Variants in RIMS1 observed in about 807,000 individuals in gnomAD.
The protein encoded by RIMS1 is regulating synaptic membrane exocytosis 1.
A neutral mutation model predicts 214.1 loss-of-function variants in RIMS1; 83 were observed. That is an observed-to-expected ratio of 0.39 (90% confidence interval 0.32 to 0.47). The LOEUF (loss-of-function observed/expected upper bound fraction) is 0.47. Ranked by LOEUF, RIMS1 falls within the 20% of genes least tolerant of loss-of-function variation. The pLI is 0.99. For synonymous variants in RIMS1, 793 were observed against 786.8 expected, an observed-to-expected ratio of 1.01 and a Z score of -0.13; for missense variants, 2,050 against 2,161.8, an observed-to-expected ratio of 0.95 and a Z score of 1.03.
Position 72,263,804 on chromosome 6 carries a change from A to AAAACACAC in RIMS1, c.3117-1170_3117-1169insAACACACA, listed in dbSNP as rs1420995430. The AAAACACAC allele has an allele frequency of 1.4e-4, 17 of 120,188 alleles. No individual in the cohort carries two copies. The African/African-American group carries it at 1.5e-3, about 11-fold the overall frequency. The allele number at this position is 120,188 out of a possible 1,614,324, so 7.4% of individuals were successfully genotyped here. ...CATGGTGAAACCCCGTCTCTACTAAAACACACACACACACACACACACACA... is the reference window on the plus strand; with the variant it reads ...CATGGTGAAACCCCGTCTCTACTAAAAAACACACACACACACACACACACACACACACA... On this transcript the variant is annotated intron_variant, in intron 19 of 33. Transcript: ENST00000521978.
chr6:72,334,923 A>G (rs1490605446), intron 29 of RIMS1, among the ~76,000 whole-genome samples: 2 of 151,884 alleles, frequency 1.3e-5, no homozygotes, highest in Non-Finnish European at 2.9e-5. Flanking sequence ...GAGCTGTTCT[A>G]TTTGTTATGA....
chr6:72,015,806 G>T (rs1584964326), intron 2 of RIMS1, among the ~76,000 whole-genome samples: 1 of 151,948 alleles, frequency 6.6e-6, no homozygotes, highest in Non-Finnish European at 1.5e-5. Flanking sequence ...GGTGCCTGTA[G>T]TCCCAGCTAC....
intron 6 of RIMS1, chr6:72,212,731 T>C: frequency 1.3e-6 from 1 of 781,848 alleles, no homozygotes; most frequent in African/African-American, 1.9e-5. Context: ...AGGAGCATAG[T>C]GTCATCTGGC....
chr6:71,899,713 A>C (rs371298821), intron 1 of RIMS1, among the ~76,000 whole-genome samples: 1 of 152,160 alleles, frequency 6.6e-6, no homozygotes, highest in Admixed American at 6.6e-5. Flanking sequence ...GGCAGTGGCT[A>C]TTCTGGAAGA....
chr6:71,908,582 T>A (rs936635817), intron 1 of RIMS1, among the ~76,000 whole-genome samples: 4 of 152,168 alleles, frequency 2.6e-5, no homozygotes, highest in Admixed American at 1.3e-4. Context: ...CATATAAGTA[T>A]CTAATTTACT....
chr6:71,947,220 A>G (rs1303274039), intron 1 of RIMS1, among the ~76,000 whole-genome samples: 1 of 152,084 alleles, frequency 6.6e-6, no homozygotes, highest in Non-Finnish European at 1.5e-5. Flanking sequence ...TCCAAAAAAT[A>G]TGAAATCAGT....
At chr6:72,155,362 C>G (rs904679367) in intron 4 of RIMS1, among the ~76,000 whole-genome samples, 1 of 140,610 alleles carries the variant, frequency 7.1e-6, no homozygotes, top group African/African-American at 2.5e-5. Flanking sequence ...TCCAGATACC[C>G]TAAATCATCT....
intron 4 of RIMS1, among the ~76,000 whole-genome samples, chr6:72,166,300 G>GTT (rs148899087): frequency 0.18 from 25,273 of 143,168 alleles, 2,601 homozygotes; most frequent in Non-Finnish European, 0.24. Flanking sequence ...CTTGGTGTCT[G>GTT]TTTTTTTTTT....
chr6:72,244,715 A>G (rs2068614167), intron 10 of RIMS1, among the ~76,000 whole-genome samples: 1 of 151,912 alleles, frequency 6.6e-6, no homozygotes, highest in Non-Finnish European at 1.5e-5. Flanking sequence ...AATACACAGC[A>G]TAGGCCAGAT....
chr6:72,122,815 T>A (rs1220883633), intron 4 of RIMS1, among the ~76,000 whole-genome samples: 2 of 152,002 alleles, frequency 1.3e-5, no homozygotes, highest in East Asian at 3.9e-4. Context: ...GTGGGATCAG[T>A]GGTGATATCC....
intron 2 of RIMS1, among the ~76,000 whole-genome samples, chr6:72,066,426 T>C (rs1251778667): frequency 3.3e-5 from 5 of 152,180 alleles, no homozygotes; most frequent in Admixed American, 6.5e-5. Flanking sequence ...TCCAAGTTTG[T>C]TTTGTCATCA....
intron 6 of RIMS1, among the ~76,000 whole-genome samples, chr6:72,218,615 T>C (rs913926611): frequency 6.6e-6 from 1 of 152,210 alleles, no homozygotes; most frequent in African/African-American, 2.4e-5. Context: ...ACAGAGTGGC[T>C]AATAATTGCC....
At chr6:72,368,291 G>GA (rs2098107560) in intron 29 of RIMS1, among the ~76,000 whole-genome samples, 1 of 122,150 alleles carries the variant, frequency 8.2e-6, no homozygotes, top group African/African-American at 3.2e-5. Context: ...AGTGTTGTCT[G>GA]ATTTTTTTTT....
At position 71,968,996 on chromosome 6, in the gene RIMS1, G is replaced by A. The variant is rs1362508241; in HGVS notation, c.178G>A (p.Asp60Asn). ...CATGCGCCCCAGGTGTGTTGTCAGGGACATGGCGAAGCCTGCTGCCTGCAA... is the reference window on the plus strand; with the variant it reads ...CATGCGCCCCAGGTGTGTTGTCAGGAACATGGCGAAGCCTGCTGCCTGCAA... ...EEAMLKCVVRDMAKPAACKTP... is the reference protein window; with the variant it reads ...EEAMLKCVVRNMAKPAACKTP... The change falls in exon 2 of 34, where the codon GAC becomes AAC. Residue 60 changes from aspartate (D) to asparagine (N), a missense_variant. This residue lies in a region of RIMS1 where 882 missense variants were observed against 828.9 expected (regional missense o/e 1.06). Coordinates refer to ENST00000521978, the MANE Select transcript of RIMS1 (RefSeq NM_014989.7). 1.9e-6 allele frequency: 3 copies of A among 1,613,856 alleles called. No homozygotes were observed. The highest frequency in any genetic ancestry group is 1.7e-6 in the Non-Finnish European group (2 of 1,179,874).
chr6:72,018,662 G>C (rs1444465262), intron 2 of RIMS1, among the ~76,000 whole-genome samples: 1 of 152,120 alleles, frequency 6.6e-6, no homozygotes. Flanking sequence ...TGTGAGCCGT[G>C]GGACATTTCT....
In RIMS1 at chr6:71,886,992, G is replaced by A. The variant is rs758309586; in HGVS notation, c.-32G>A. ...GTGCATCCGAAAGGTGAGAGCCAGA[G>A]AGCGAGCAGAGGGGGCGGGCAGGCC... On this transcript the variant is annotated 5_prime_UTR_variant, in exon 1 of 34. Transcript: ENST00000521978. The A allele has an allele frequency of 6.2e-7, 1 of 1,606,868 alleles. No homozygotes were observed. Among genetic ancestry groups the A allele is most frequent in the South Asian group, 1.1e-5 (1 of 90,126 alleles).
At chr6:72,386,966 C>T (rs1399184502) in intron 29 of RIMS1, among the ~76,000 whole-genome samples, 1 of 151,998 alleles carries the variant, frequency 6.6e-6, no homozygotes, top group South Asian at 2.1e-4. Flanking sequence ...GATCTCCTGA[C>T]CTCGTGATCC....
intron 2 of RIMS1, among the ~76,000 whole-genome samples, chr6:71,991,908 A>T (rs906032279): frequency 1.3e-5 from 2 of 152,160 alleles, no homozygotes; most frequent in African/African-American, 4.8e-5. Context: ...TAATAAAAAT[A>T]CAAAAAGTTA....
chr6:72,339,380 C>G lies in RIMS1; in HGVS notation c.4366+5545C>G, dbSNP rs1207688395. Among the ~76,000 whole-genome samples, 8 of 151,876 alleles carry G rather than the reference C, an allele frequency of 5.3e-5. No homozygotes were observed. The East Asian group carries it at 1.6e-3, about 30-fold the overall frequency. ...CATGTGCCATGTTGGTGTGCTGCAC[C>G]CATTAACTCGTCATTTAGCATTAGG... On this transcript the variant is annotated intron_variant, in intron 29 of 33. Coordinates refer to ENST00000521978, the MANE Select transcript of RIMS1 (RefSeq NM_014989.7).
Sources: gnomAD v4.1 joint callset for allele counts (sites outside exome capture counted in the v4.1 genomes callset) on GRCh38, gnomAD v4.1.1 for gene constraint, gnomAD v4.1.1 regional missense constraint, MANE v1.5 for transcripts, NCBI Gene and HGNC (gene_info 2026-07-23, HGNC 2026-07-21) for gene names.